The following RTL4 variants were observed in gnomAD, a reference collection of about 807,000 sequenced individuals.
RTL4 encodes retrotransposon Gag-like protein 4.
Under a neutral mutation model 5.3 loss-of-function variants are expected in RTL4, and 4 were observed. The ratio of observed to expected loss-of-function variants is 0.75; its 90% confidence interval spans 0.37 to 1.72. The LOEUF is 1.72. Ranked by LOEUF, RTL4 falls within the 40% of genes most tolerant of loss-of-function variation. The pLI, the probability that RTL4 is intolerant of heterozygous loss-of-function variation, is 0.04. For missense variants in RTL4, 260 were observed against 227.1 expected (o/e 1.14, Z -0.93); for synonymous variants, 98 against 87.3 (o/e 1.12, Z -0.68).
the RTL4 span, among the ~76,000 whole-genome samples, chrX:112,438,310 T>A: frequency 9.0e-6 from 1 of 111,667 alleles, no homozygotes; most frequent in Non-Finnish European, 1.9e-5. Flanking sequence ...CTCCTTACCC[T>A]GTGGACCTCT....
At chrX:112,307,395 G>A in the RTL4 span, among the ~76,000 whole-genome samples, 10,781 of 111,728 alleles carry the variant, frequency 0.096, 509 homozygotes, top group Non-Finnish European at 0.14. Context: ...ATGCTTATGT[G>A]CATGTCCACT....
chrX:112,315,684 G>T, the RTL4 span, among the ~76,000 whole-genome samples: 1 of 111,377 alleles, frequency 9.0e-6, no homozygotes, highest in Non-Finnish European at 1.9e-5. Flanking sequence ...TGTGGAAATG[G>T]CATTTATTAC....
chrX:112,426,358 T>C, the RTL4 span, among the ~76,000 whole-genome samples: 1 of 111,787 alleles, frequency 8.9e-6, no homozygotes, highest in African/African-American at 3.2e-5. Flanking sequence ...AGTCCTCTGA[T>C]TTTGTTCTTC....
chrX:112,153,512 A>G, the RTL4 span, among the ~76,000 whole-genome samples: 1 of 111,648 alleles, frequency 9.0e-6, no homozygotes. Context: ...AGGTTCTTTT[A>G]TTTCCCTCTG....
chrX:112,410,974 C>T, the RTL4 span, among the ~76,000 whole-genome samples: 1 of 111,097 alleles, frequency 9.0e-6, no homozygotes, highest in East Asian at 2.8e-4. Context: ...ATCAACAAAA[C>T]TTTAACCAGA....
At chrX:112,270,902 T>G in the RTL4 span, among the ~76,000 whole-genome samples, 1 of 110,029 alleles carries the variant, frequency 9.1e-6, no homozygotes, top group African/African-American at 3.3e-5. Flanking sequence ...TTCAAGGCCA[T>G]TCAGTAACAC....
the RTL4 span, among the ~76,000 whole-genome samples, chrX:112,416,158 C>T: frequency 9.0e-6 from 1 of 111,456 alleles, no homozygotes; most frequent in Non-Finnish European, 1.9e-5. Context: ...GTAACTGCCT[C>T]CCCTCTGTGT....
At chrX:112,265,660 C>T in the RTL4 span, among the ~76,000 whole-genome samples, 1 of 111,458 alleles carries the variant, frequency 9.0e-6, no homozygotes, top group African/African-American at 3.3e-5. Flanking sequence ...GTCCTCTGCT[C>T]AATTCCCTAA....
chrX:112,096,889 A>T, the RTL4 span, among the ~76,000 whole-genome samples: 1 of 112,527 alleles, frequency 8.9e-6, no homozygotes, highest in Non-Finnish European at 1.9e-5. Flanking sequence ...CATGTCCCAA[A>T]GTAAGCGTTT....
the RTL4 span, among the ~76,000 whole-genome samples, chrX:112,103,116 A>C: frequency 8.9e-6 from 1 of 112,190 alleles, no homozygotes; most frequent in Non-Finnish European, 1.9e-5. Context: ...ATTCTGTTAT[A>C]AAGATATATG....
the RTL4 span, among the ~76,000 whole-genome samples, chrX:112,196,176 T>C: frequency 2.4e-4 from 27 of 111,838 alleles, no homozygotes; most frequent in Non-Finnish European, 4.9e-4. Context: ...TAGCATATAC[T>C]AATCTGTTCT....
At chrX:112,336,506 A>T in the RTL4 span, among the ~76,000 whole-genome samples, 5 of 112,132 alleles carry the variant, frequency 4.5e-5, no homozygotes, top group African/African-American at 1.6e-4. Flanking sequence ...TTTTCATTTT[A>T]TCACTACAAC....
At chrX:112,453,108 T>C (rs1926771659), upstream of RTL4, among the ~76,000 whole-genome samples, 1 of 110,909 alleles carries the variant, frequency 9.0e-6, no homozygotes, top group Non-Finnish European at 1.9e-5. Flanking sequence ...ATCATCCAAC[T>C]GATTAATGCT....
chrX:112,111,783 T>C, the RTL4 span, among the ~76,000 whole-genome samples: 4 of 111,583 alleles, frequency 3.6e-5, no homozygotes, highest in Non-Finnish European at 7.5e-5. Context: ...CATCAGTATA[T>C]AGGTTAAGGT....
the RTL4 span, among the ~76,000 whole-genome samples, chrX:112,233,175 A>T: frequency 4.5e-5 from 5 of 111,827 alleles, no homozygotes; most frequent in African/African-American, 1.6e-4. Context: ...TACACCTACC[A>T]ACAGAGTGTA....
the RTL4 span, among the ~76,000 whole-genome samples, chrX:112,157,823 T>G: frequency 8.9e-6 from 1 of 112,071 alleles, no homozygotes; most frequent in Non-Finnish European, 1.9e-5. Flanking sequence ...TCTTGCTTGA[T>G]CTGAAGCCTT....
At chrX:112,239,617 C>T in the RTL4 span, among the ~76,000 whole-genome samples, 1 of 111,231 alleles carries the variant, frequency 9.0e-6, no homozygotes, top group African/African-American at 3.3e-5. Flanking sequence ...TCAGCAGGGC[C>T]CAGTGGGGTG....
the RTL4 span, among the ~76,000 whole-genome samples, chrX:112,234,195 A>AAAATT: frequency 9.0e-6 from 1 of 111,111 alleles, no homozygotes; most frequent in Non-Finnish European, 1.9e-5. Context: ...CTGTCTCAAA[A>AAAATT]AAATTAAATT....
At chrX:112,335,728 TA>T in the RTL4 span, among the ~76,000 whole-genome samples, 1 of 111,369 alleles carries the variant, frequency 9.0e-6, no homozygotes, top group Non-Finnish European at 1.9e-5. Context: ...TTATTCTTTT[TA>T]TTCCAACTCA....
Sources: allele counts gnomAD v4.1 joint callset (sites outside exome capture counted in the v4.1 genomes callset), GRCh38; gene constraint gnomAD v4.1.1; transcripts MANE v1.5; gene names NCBI Gene and HGNC (gene_info 2026-07-23, HGNC 2026-07-21).